TTC8: variants seen among roughly 807,000 people sequenced by gnomAD.
TTC8 encodes tetratricopeptide repeat domain 8.
In TTC8, 47 loss-of-function variants were observed where a neutral mutation model predicts 72.5. That is an observed-to-expected ratio of 0.65 (90% confidence interval 0.51 to 0.83). The LOEUF (loss-of-function observed/expected upper bound fraction) is 0.83, where lower values mean the gene tolerates loss of function less well. Ranked by LOEUF, TTC8 falls within the 40% of genes least tolerant of loss-of-function variation. TTC8 has a pLI of 0.00. For missense variants in TTC8, 611 were observed against 623.2 expected, an observed-to-expected ratio of 0.98 and a Z score of 0.21; for synonymous variants, 199 against 221.4, an observed-to-expected ratio of 0.90 and a Z score of 0.90.
intron 2 of TTC8, 58 bp downstream of exon 2, chr14:88,833,780 A>G: frequency 2.6e-6 from 4 of 1,517,704 alleles, no homozygotes; most frequent in Non-Finnish European, 1.8e-6. Flanking sequence ...GCTATTGCTT[A>G]GTTGTTGCTA....
intron 7 of TTC8, among the ~76,000 whole-genome samples, chr14:88,851,846 A>G (rs922255440): frequency 1.3e-5 from 2 of 152,150 alleles, no homozygotes; most frequent in Non-Finnish European, 2.9e-5. Flanking sequence ...AGTAGTTTGC[A>G]TATTTAAAGA....
intron 2 of TTC8, among the ~76,000 whole-genome samples, chr14:88,836,057 C>T (rs567030911): frequency 6.6e-6 from 1 of 152,244 alleles, no homozygotes; most frequent in East Asian, 1.9e-4. Context: ...AATTGAATAA[C>T]AGTCTGAGTA....
intron 2 of TTC8, among the ~76,000 whole-genome samples, 183 bp from the exon 3 acceptor site, chr14:88,839,269 A>T (rs969720618): frequency 9.2e-5 from 14 of 151,976 alleles, no homozygotes; most frequent in Non-Finnish European, 1.9e-4. Context: ...TTGTTTCTTG[A>T]TTAATAATGA....
intron 13 of TTC8, among the ~76,000 whole-genome samples, chr14:88,873,415 C>T (rs2094943537): frequency 6.6e-6 from 1 of 152,176 alleles, no homozygotes; most frequent in Non-Finnish European, 1.5e-5. Flanking sequence ...ACATCTCTTA[C>T]TTTTTTTCTT....
intron 3 of TTC8, 99 bp from the exon 4 acceptor site, chr14:88,840,766 T>C (rs866912356): frequency 8.1e-7 from 1 of 1,231,246 alleles, no homozygotes; most frequent in Middle Eastern, 2.3e-4. Context: ...ATTAATGTCT[T>C]TTTCACCAGG....
intron 1 of TTC8, among the ~76,000 whole-genome samples, chr14:88,825,809 A>G (rs2094697031): frequency 6.6e-6 from 1 of 152,162 alleles, no homozygotes; most frequent in African/African-American, 2.4e-5. Context: ...CAAATGGATG[A>G]TGGATGATAA....
At chr14:88,842,946 G>A in intron 6 of TTC8, among the ~76,000 whole-genome samples, 1 of 133,568 alleles carries the variant, frequency 7.5e-6, no homozygotes, top group East Asian at 2.5e-4. Context: ...GATTGTTATA[G>A]GTTTGTTTTT....
intron 14 of TTC8, among the ~76,000 whole-genome samples, chr14:88,876,205 C>A (rs543054644): frequency 4.6e-5 from 7 of 152,250 alleles, no homozygotes; most frequent in Admixed American, 1.3e-4. Context: ...GGCTTACCTT[C>A]GGGAATAGCA....
intron 2 of TTC8, among the ~76,000 whole-genome samples, chr14:88,834,735 A>G (rs562030448): frequency 7.2e-5 from 11 of 152,312 alleles, no homozygotes; most frequent in African/African-American, 1.9e-4. Flanking sequence ...AAGTCATTCA[A>G]GAAGGATCAA....
chr14:88,874,877 T>C (rs1310504503), intron 13 of TTC8, 149 bp from the exon 14 acceptor site: 2 of 559,312 alleles, frequency 3.6e-6, no homozygotes, highest in East Asian at 5.9e-5. Flanking sequence ...TTGTATTTCA[T>C]GAGGAATGTT....
intron 7 of TTC8, among the ~76,000 whole-genome samples, chr14:88,848,381 A>G (rs1015625722): frequency 1.3e-5 from 2 of 152,162 alleles, no homozygotes; most frequent in South Asian, 2.1e-4. Flanking sequence ...GATATTACAC[A>G]TGGTACCACA....
intron 6 of TTC8, among the ~76,000 whole-genome samples, chr14:88,842,759 C>T (rs893962531): frequency 1.2e-4 from 19 of 152,202 alleles, no homozygotes; most frequent in Admixed American, 1.2e-3. Context: ...GTTTTTCTGT[C>T]TTTGGCCCCC....
At chr14:88,831,409 C>G (rs570149075) in intron 1 of TTC8, among the ~76,000 whole-genome samples, 1 of 152,322 alleles carries the variant, frequency 6.6e-6, no homozygotes, top group Non-Finnish European at 1.5e-5. Context: ...TCTGGCTACA[C>G]TGCCTATGAG....
At chr14:88,846,867 T>C in intron 7 of TTC8, 1 of 372,832 alleles carries the variant, frequency 2.7e-6, no homozygotes, top group Non-Finnish European at 4.8e-6. Flanking sequence ...TTTCTTCAAG[T>C]GAAATCTTAT....
chr14:88,828,641 A>G (rs535667529), intron 1 of TTC8, among the ~76,000 whole-genome samples: 1 of 152,254 alleles, frequency 6.6e-6, no homozygotes, highest in South Asian at 2.1e-4. Context: ...GTTTTTAATA[A>G]TGTCATTTTT....
rs770430375 is a variant in TTC8 at position 88,872,440 on chromosome 14, C to T, written c.1335C>T (p.Gly445=). The change falls in exon 13 of 15, where the codon GGC becomes GGT. Residue 445 remains glycine, a synonymous_variant. Coordinates refer to ENST00000380656, the MANE Select transcript of TTC8 (RefSeq NM_144596.4). ...NNLAVLEMRK[G]HVEQARALLQ... Reference sequence around the variant, plus strand: ...TGGCTGTGCTGGAGATGCGGAAGGGCCACGTTGAACAGGTCAGTGAACTGG... The same window carrying T: ...TGGCTGTGCTGGAGATGCGGAAGGGTCACGTTGAACAGGTCAGTGAACTGG... 8.7e-6 allele frequency: 14 copies of T among 1,613,680 alleles called. 1 individual carries two copies. In the African/African-American group the frequency reaches 1.2e-4, roughly 14 times the overall value.
chr14:88,876,727 T>G (rs1207489560), intron 14 of TTC8, among the ~76,000 whole-genome samples: 2 of 152,152 alleles, frequency 1.3e-5, no homozygotes, highest in African/African-American at 4.8e-5. Flanking sequence ...TTTATAAACT[T>G]TTAAAACCAG....
At chr14:88,841,330 T>G (rs769181359) in intron 5 of TTC8, 95 bp from the exon 6 acceptor site, 13 of 1,587,344 alleles carry the variant, frequency 8.2e-6, no homozygotes, top group Non-Finnish European at 1.1e-5. Flanking sequence ...TGATTATTTT[T>G]ATTTATGTTG....
At chr14:88,872,109 G>T (rs758544853) in intron 12 of TTC8, among the ~76,000 whole-genome samples, 3 of 152,120 alleles carry the variant, frequency 2.0e-5, no homozygotes, top group Non-Finnish European at 4.4e-5. Flanking sequence ...CTACATCCAG[G>T]TTTGGCAGTA....
Sources: allele counts gnomAD v4.1 joint callset (sites outside exome capture counted in the v4.1 genomes callset), GRCh38; gene constraint gnomAD v4.1.1; transcripts MANE v1.5; gene names NCBI Gene and HGNC (gene_info 2026-07-23, HGNC 2026-07-21).